The following PDK1 variants were observed in gnomAD, a reference collection of about 807,000 sequenced individuals.
PDK1 encodes the protein pyruvate dehydrogenase kinase 1, also known as [Pyruvate dehydrogenase (acetyl-transferring)] kinase isozyme 1, mitochondrial.
PDK1 carries 39 observed loss-of-function variants against 54.2 expected under a neutral mutation model. The observed-to-expected ratio is 0.72, with a 90% CI of 0.56 to 0.94. The LOEUF (loss-of-function observed/expected upper bound fraction) is 0.94, where lower values mean the gene tolerates loss of function less well. PDK1 is among the 40% of genes least tolerant of loss of function. The pLI, the probability that PDK1 is intolerant of heterozygous loss-of-function variation, is 0.00. For synonymous variants in PDK1, 221 were observed against 207.1 expected (o/e 1.07, Z -0.58); for missense variants, 552 against 566.0 (o/e 0.98, Z 0.25).
intron 8 of PDK1, among the ~76,000 whole-genome samples, chr2:172,573,728 C>G (rs1689423842): frequency 6.6e-6 from 1 of 151,866 alleles, no homozygotes; most frequent in Non-Finnish European, 1.5e-5. Flanking sequence ...AGTATATTCT[C>G]CCATTCCGTG....
Position 172,564,591 on chromosome 2 carries a change from T to C in PDK1, c.499T>C (p.Phe167Leu). 3 of 1,614,066 alleles carry C rather than the reference T, an allele frequency of 1.9e-6. 1 individual carries two copies. The South Asian group carries it at 3.3e-5, about 18-fold the overall frequency. ...GGGTGTGATTGAATACAAGGAGAGC[T>C]TTGGGGTGGATCCTGTCACCAGCCA... ...AQGVIEYKES[F>L]GVDPVTSQNV... Residue 167 changes from phenylalanine to leucine, a missense_variant, in exon 4 of 11, where the codon TTT becomes CTT. By Grantham distance (22) the Phe-to-Leu change is conservative (BLOSUM62 0). Coordinates refer to ENST00000282077, the MANE Select transcript of PDK1 (RefSeq NM_002610.5).
chr2:172,680,895 G>A, the PDK1 span, among the ~76,000 whole-genome samples: 51 of 152,292 alleles, frequency 3.3e-4, 1 homozygote, highest in East Asian at 7.9e-3. Flanking sequence ...GAAAAACCTG[G>A]GATTGCCATC....
At chr2:172,709,384 T>C in the PDK1 span, among the ~76,000 whole-genome samples, 1 of 152,196 alleles carries the variant, frequency 6.6e-6, no homozygotes, top group African/African-American at 2.4e-5. Flanking sequence ...GAGTGCTAAG[T>C]GAGTCCACCT....
rs1691220079 is a variant in PDK1 at position 172,604,455 on chromosome 2, TAAATC to T, written c.*8487_*8491del. ...GATTCCGCGCATATTTTGTTAGACT[TAAATC>T]TAAGTATTTGCTTTTTTTTTAACTT... On this transcript the variant is annotated 3_prime_UTR_variant, in exon 11 of 11. Coordinates refer to ENST00000282077, the MANE Select transcript of PDK1 (RefSeq NM_002610.5). The T allele has an allele frequency of 6.6e-6, 1 of 152,210 alleles. No individual in the cohort carries two copies. Among genetic ancestry groups the T allele is most frequent in the African/African-American group, 2.4e-5 (1 of 41,468 alleles). 9.4% of individuals were successfully genotyped at this position (152,210 alleles called of 1,614,324 possible).
the PDK1 span, among the ~76,000 whole-genome samples, chr2:172,642,894 T>G: frequency 6.6e-6 from 1 of 152,064 alleles, no homozygotes; most frequent in African/African-American, 2.4e-5. Flanking sequence ...CTCCTTCTCT[T>G]CCTTCTTTTT....
At chr2:172,676,780 A>G in the PDK1 span, among the ~76,000 whole-genome samples, 1 of 152,226 alleles carries the variant, frequency 6.6e-6, no homozygotes, top group Non-Finnish European at 1.5e-5. Context: ...TTGTGGGCCA[A>G]ATGCTATCAA....
rs550125924 is a variant in PDK1, at chr2:172,601,332, A to G, written c.*5363A>G. 3 of 152,326 alleles carry G rather than the reference A, an allele frequency of 2.0e-5. No individual in the cohort carries two copies. Among genetic ancestry groups the G allele is most frequent in the Admixed American group, 2.0e-4 (3 of 15,296 alleles). 9.4% of individuals were successfully genotyped at this position (152,326 alleles called of 1,614,324 possible). A position where few individuals can be genotyped will look rare whatever the true frequency, so the allele number is the denominator to read the frequency against. ...GGTTTATTTTAAAGTTTAAAATAGAAGTAAACAAGCAAACATACTGATAAT... is the reference window on the plus strand; with the variant it reads ...GGTTTATTTTAAAGTTTAAAATAGAGGTAAACAAGCAAACATACTGATAAT... On this transcript the variant is annotated 3_prime_UTR_variant, in exon 11 of 11. Coordinates refer to ENST00000282077, the MANE Select transcript of PDK1 (RefSeq NM_002610.5).
At chr2:172,686,835 C>G in the PDK1 span, among the ~76,000 whole-genome samples, 11 of 152,186 alleles carry the variant, frequency 7.2e-5, no homozygotes, top group Non-Finnish European at 1.5e-4. Flanking sequence ...ATGTGTCTAT[C>G]TATCTATATA....
chr2:172,622,583 G>T, the PDK1 span, among the ~76,000 whole-genome samples: 8 of 147,198 alleles, frequency 5.4e-5, no homozygotes, highest in Non-Finnish European at 1.5e-5. Flanking sequence ...CATATATTAT[G>T]TGAGATGTTT....
chr2:172,698,202 C>G, the PDK1 span, among the ~76,000 whole-genome samples: 3 of 152,086 alleles, frequency 2.0e-5, no homozygotes. Context: ...TGAATCATCC[C>G]CCACTTTGTT....
At chr2:172,585,661 A>G (rs1052276497) in intron 8 of PDK1, among the ~76,000 whole-genome samples, 2 of 152,036 alleles carry the variant, frequency 1.3e-5, no homozygotes, top group African/African-American at 2.4e-5. Flanking sequence ...GGAGTAACAG[A>G]TTTATAGTTA....
the PDK1 span, among the ~76,000 whole-genome samples, chr2:172,653,182 C>T: frequency 7.9e-5 from 12 of 152,298 alleles, no homozygotes; most frequent in Non-Finnish European, 1.8e-4. Flanking sequence ...CTACAACCAT[C>T]TGATCTTTCA....
At chr2:172,646,720 C>A in the PDK1 span, among the ~76,000 whole-genome samples, 1 of 105,762 alleles carries the variant, frequency 9.5e-6, no homozygotes, top group African/African-American at 3.4e-5. Flanking sequence ...CAGAGAGACC[C>A]AAACCTTGCA....
chr2:172,658,769 AG>A, the PDK1 span, among the ~76,000 whole-genome samples: 1 of 152,194 alleles, frequency 6.6e-6, no homozygotes, highest in East Asian at 1.9e-4. Flanking sequence ...GGTCTCCTGC[AG>A]TACCCTCAGG....
chr2:172,670,433 C>T, the PDK1 span, among the ~76,000 whole-genome samples: 3 of 151,948 alleles, frequency 2.0e-5, no homozygotes, highest in African/African-American at 7.3e-5. Context: ...AGTTTGCTGT[C>T]GATGTTTACA....
At chr2:172,583,662 G>A (rs553952911) in intron 8 of PDK1, among the ~76,000 whole-genome samples, 21 of 151,872 alleles carry the variant, frequency 1.4e-4, no homozygotes, top group Non-Finnish European at 2.8e-4. Flanking sequence ...AGATGTATTC[G>A]AGGCACATCT....
chr2:172,671,036 C>T, the PDK1 span, among the ~76,000 whole-genome samples: 1 of 150,266 alleles, frequency 6.7e-6, no homozygotes, highest in Admixed American at 6.6e-5. Flanking sequence ...TGCAAAATGA[C>T]TTATCTTTAT....
chr2:172,652,482 G>A, the PDK1 span, among the ~76,000 whole-genome samples: 1 of 152,138 alleles, frequency 6.6e-6, no homozygotes, highest in Non-Finnish European at 1.5e-5. Flanking sequence ...AATCAGGCAG[G>A]ACAAGGAAAT....
chr2:172,574,842 T>C (rs1689490534), intron 8 of PDK1, among the ~76,000 whole-genome samples: 1 of 152,218 alleles, frequency 6.6e-6, no homozygotes, highest in Non-Finnish European at 1.5e-5. Context: ...GAATTTTCTA[T>C]ATAAATGATC....
Sources: gnomAD v4.1 joint callset for allele counts (sites outside exome capture counted in the v4.1 genomes callset) on GRCh38, gnomAD v4.1.1 for gene constraint, MANE v1.5 for transcripts, NCBI Gene and HGNC (gene_info 2026-07-23, HGNC 2026-07-21) for gene names.